Variants in PID1 observed in about 807,000 individuals in gnomAD.
The protein encoded by PID1 is PTB-containing, cubilin and LRP1-interacting protein.
PID1 carries 10 observed loss-of-function variants against 19.1 expected under a neutral mutation model. The observed-to-expected ratio is 0.52, with a 90% CI of 0.32 to 0.89. PID1 has a LOEUF of 0.89. Among genes scored for constraint, PID1 ranks in the 40% least tolerant of loss-of-function variants. PID1 has a pLI of 0.03. For synonymous variants in PID1, 130 were observed against 116.0 expected, an observed-to-expected ratio of 1.12 and a Z score of -0.78; for missense variants, 248 against 285.3, an observed-to-expected ratio of 0.87 and a Z score of 0.94.
chr2:229,141,371 C>G (rs1312978970), intron 2 of PID1, among the ~76,000 whole-genome samples: 4 of 152,008 alleles, frequency 2.6e-5, no homozygotes, highest in Non-Finnish European at 4.4e-5. Context: ...TTTAGGAAAT[C>G]TCTGGAAGGA....
rs569472050 is a variant in PID1, at chr2:229,188,832, T to G, written c.31-32868A>C. 3.5e-4 allele frequency among the ~76,000 whole-genome samples: 53 copies of G among 152,222 alleles called. No individual in the cohort carries two copies. The East Asian group carries it at 0.01, about 29-fold the overall frequency. On this transcript the variant is annotated intron_variant, in intron 1 of 2. Transcript: ENST00000392055. ...AATATTGATTTTTAGATCCTTACTC[T>G]ACAGCATAAGATGATTATGTGAACT...
intron 1 of PID1, among the ~76,000 whole-genome samples, chr2:229,160,928 C>G (rs1030156302): frequency 1.3e-5 from 2 of 152,112 alleles, no homozygotes; most frequent in African/African-American, 4.8e-5. Flanking sequence ...AGAGTTATAC[C>G]TGCTTCTGCT....
chr2:229,168,195 G>A (rs1690641280), intron 1 of PID1, among the ~76,000 whole-genome samples: 1 of 152,004 alleles, frequency 6.6e-6, no homozygotes, highest in Admixed American at 6.6e-5. Context: ...ATAGATCTGT[G>A]GTTTGATATC....
At chr2:229,139,039 G>GAGAGAGAAAGAAAGAAAGAAAGAAAGAA (rs1689931038) in intron 2 of PID1, among the ~76,000 whole-genome samples, 1 of 48,362 alleles carries the variant, frequency 2.1e-5, no homozygotes, top group African/African-American at 7.4e-5. Context: ...AAGAAAGAAA[G>GAGAGAGAAAGAAAGAAAGAAAGAAAGAA]AGAAAGAAAG....
At chr2:229,148,126 T>C (rs766233339) in intron 2 of PID1, among the ~76,000 whole-genome samples, 1 of 152,226 alleles carries the variant, frequency 6.6e-6, no homozygotes, top group Non-Finnish European at 1.5e-5. Context: ...GAAGTTTTAA[T>C]TCCTAGTATG....
chr2:229,119,208 C>T (rs958994091), intron 2 of PID1, among the ~76,000 whole-genome samples: 1 of 152,176 alleles, frequency 6.6e-6, no homozygotes, highest in Non-Finnish European at 1.5e-5. Context: ...CAGTCTAGAA[C>T]AAACCACTTT....
At chr2:229,227,158 C>G (rs115211092) in intron 1 of PID1, among the ~76,000 whole-genome samples, 2 of 152,294 alleles carry the variant, frequency 1.3e-5, no homozygotes, top group Non-Finnish European at 2.9e-5. Context: ...CAAATGTCAA[C>G]CTTCCTCTCC....
chr2:229,227,862 T>A, intron 1 of PID1: 1 of 390,162 alleles, frequency 2.6e-6, no homozygotes. Context: ...ATATAGCATT[T>A]ACACTATATT....
intron 2 of PID1, among the ~76,000 whole-genome samples, chr2:229,130,442 A>C (rs1212410720): frequency 2.0e-5 from 3 of 152,196 alleles, no homozygotes; most frequent in African/African-American, 7.2e-5. Flanking sequence ...AACATAGAAA[A>C]GTCTTTAAAT....
intron 2 of PID1, among the ~76,000 whole-genome samples, chr2:229,138,194 T>C (rs962612208): frequency 6.6e-6 from 1 of 152,124 alleles, no homozygotes; most frequent in Admixed American, 6.6e-5. Context: ...CCCTGCCTTC[T>C]CTCCTGGACC....
At chr2:229,202,991 A>G (rs952165554) in intron 1 of PID1, among the ~76,000 whole-genome samples, 1 of 152,140 alleles carries the variant, frequency 6.6e-6, no homozygotes, top group African/African-American at 2.4e-5. Flanking sequence ...CAGATTTAGA[A>G]AACAGTTTCA....
At chr2:229,161,509 A>T (rs988250849) in intron 1 of PID1, among the ~76,000 whole-genome samples, 1 of 152,330 alleles carries the variant, frequency 6.6e-6, no homozygotes, top group East Asian at 1.9e-4. Flanking sequence ...CTGTGAAAAT[A>T]AAAAGAAGCC....
At chr2:229,189,570 G>C (rs185202344) in intron 1 of PID1, among the ~76,000 whole-genome samples, 304 of 152,292 alleles carry the variant, frequency 2.0e-3, no homozygotes, top group Non-Finnish European at 3.4e-3. Flanking sequence ...AGTAGCAGAC[G>C]CCTGTAATCC....
chr2:229,058,025 C>T (rs1382377068), intron 2 of PID1, among the ~76,000 whole-genome samples: 1 of 152,094 alleles, frequency 6.6e-6, no homozygotes, highest in Non-Finnish European at 1.5e-5. Flanking sequence ...TTCATAAGGT[C>T]AATTGTGCTA....
At chr2:229,249,746 T>G (rs1202836655) in intron 1 of PID1, among the ~76,000 whole-genome samples, 1 of 152,154 alleles carries the variant, frequency 6.6e-6, no homozygotes, top group Non-Finnish European at 1.5e-5. Context: ...CAACTTCAAC[T>G]GCTATGACAG....
At chr2:229,176,940 T>A (rs1349135749) in intron 1 of PID1, among the ~76,000 whole-genome samples, 2 of 152,166 alleles carry the variant, frequency 1.3e-5, no homozygotes, top group African/African-American at 4.8e-5. Context: ...CTGATAGACA[T>A]ACCCAAGACT....
chr2:229,128,357 C>A (rs1695665434), intron 2 of PID1, among the ~76,000 whole-genome samples: 2 of 152,190 alleles, frequency 1.3e-5, no homozygotes, highest in South Asian at 4.1e-4. Flanking sequence ...CCTTTTCTCC[C>A]TCCAACTAGC....
At chr2:229,160,996 T>C (rs995672001) in intron 1 of PID1, among the ~76,000 whole-genome samples, 2 of 152,176 alleles carry the variant, frequency 1.3e-5, no homozygotes, top group Admixed American at 6.5e-5. Flanking sequence ...GCATGCTGCC[T>C]TGTTGAATGA....
chr2:229,123,829 T>C (rs569247464), intron 2 of PID1, among the ~76,000 whole-genome samples: 7 of 152,238 alleles, frequency 4.6e-5, no homozygotes, highest in Non-Finnish European at 8.8e-5. Flanking sequence ...CAAAATGTCT[T>C]TTTAAATCAT....
Sources: allele counts gnomAD v4.1 joint callset (sites outside exome capture counted in the v4.1 genomes callset), GRCh38; gene constraint gnomAD v4.1.1; transcripts MANE v1.5; gene names NCBI Gene and HGNC (gene_info 2026-07-23, HGNC 2026-07-21).